The following PATJ variants were observed in gnomAD, a reference collection of about 807,000 sequenced individuals.
PATJ encodes PATJ crumbs cell polarity complex component, also known as inaD-like protein.
Under a neutral mutation model 224.9 loss-of-function variants are expected in PATJ, and 190 were observed. The ratio of observed to expected loss-of-function variants is 0.84; its 90% CI spans 0.75 to 0.95. PATJ has a LOEUF of 0.95. Ranked by LOEUF, PATJ falls within the 40% of genes least tolerant of loss-of-function variation. The pLI is 0.00. For synonymous variants in PATJ, 769 were observed against 820.3 expected, an observed-to-expected ratio of 0.94 and a Z score of 1.07; for missense variants, 2,121 against 2,270.3, an observed-to-expected ratio of 0.93 and a Z score of 1.34.
intron 27 of PATJ, among the ~76,000 whole-genome samples, chr1:61,965,121 C>CAAAAAAAAAAAAAAAAAAAAAAAAAAA (rs34267345): frequency 5.5e-5 from 3 of 54,380 alleles, no homozygotes; most frequent in Non-Finnish European, 6.1e-5. Context: ...GACTCTGTCT[C>CAAAAAAAAAAAAAAAAAAAAAAAAAAA]AAAAAAAAAA....
In PATJ at chr1:61,748,324, C is replaced by T. The variant is rs1008780385; in HGVS notation, c.-36+5769C>T. ...TGCTGGAGTGCAGTGGCTTGATCTC[C>T]GCTCACTCCAACCTCTGCCTCCCAG... On this transcript the variant is annotated intron_variant, in intron 1 of 43. Transcript: ENST00000642238. Among the ~76,000 whole-genome samples, 7 of 136,556 alleles carry T rather than the reference C, an allele frequency of 5.1e-5. No individual in the cohort carries two copies. The Admixed American group carries it at 5.8e-4, about 11-fold the overall frequency. The allele number at this position is 136,556 out of a possible 152,430, so 89.6% of individuals were successfully genotyped here. A position where few individuals can be genotyped will look rare whatever the true frequency, so the allele number is the denominator to read the frequency against.
chr1:62,137,894 A>G (rs2148985771), intron 41 of PATJ, among the ~76,000 whole-genome samples: 1 of 151,794 alleles, frequency 6.6e-6, no homozygotes, highest in Admixed American at 6.6e-5. Flanking sequence ...CTTCAGGTCC[A>G]TAGTCTCCTC....
At chr1:61,790,372 ATTG>A (rs936510414) in intron 8 of PATJ, among the ~76,000 whole-genome samples, 2 of 152,032 alleles carry the variant, frequency 1.3e-5, no homozygotes, top group African/African-American at 2.4e-5. Flanking sequence ...TTAGCTTTCT[ATTG>A]TTGTATAACA....
chr1:61,922,021 A>G (rs954376777), intron 26 of PATJ, among the ~76,000 whole-genome samples: 1 of 152,110 alleles, frequency 6.6e-6, no homozygotes, highest in Admixed American at 6.6e-5. Context: ...GGATAGAATC[A>G]GTAACTGCTA....
At chr1:61,774,119 C>CAA (rs35357345) in intron 6 of PATJ, among the ~76,000 whole-genome samples, 6,924 of 68,242 alleles carry the variant, frequency 0.1, 391 homozygotes, top group Middle Eastern at 0.14. Flanking sequence ...GACTCCATCT[C>CAA]AAAAAAAAAA....
rs891887264 is a variant in PATJ at position 61,900,413 on chromosome 1, A to T, written c.3203+759A>T. Among the ~76,000 whole-genome samples the T allele has an allele frequency of 3.2e-4, 49 of 152,266 alleles. 1 individual carries two copies. The South Asian group carries it at 9.7e-3, about 30-fold the overall frequency. ...TAAATAATGACACGGAGGTAGGAAG[A>T]AAACAAAACCTTCTGGCCTTAGGAG... is the stretch of plus-strand genomic sequence containing the variant. On this transcript the variant is annotated intron_variant, in intron 23 of 43. Coordinates refer to ENST00000642238, the MANE Select transcript of PATJ (RefSeq NM_001350145.3).
intron 6 of PATJ, among the ~76,000 whole-genome samples, chr1:61,772,565 G>A (rs546778415): frequency 9.9e-5 from 15 of 151,896 alleles, no homozygotes; most frequent in African/African-American, 3.1e-4. Context: ...TATTCATTGG[G>A]ACAAAAGAAA....
At position 62,071,764 on chromosome 1, in the gene PATJ, G is replaced by A. The variant is rs191343244; in HGVS notation, c.4126-7686G>A. ...GGCCTCCCAAAGTGCTGGGATTACA[G>A]GCGTGAACCACTGCGCCCGGCCAGG... On this transcript the variant is annotated intron_variant, in intron 31 of 43. Transcript: ENST00000642238. Among the ~76,000 whole-genome samples the A allele has an allele frequency of 8.5e-5, 13 of 152,288 alleles. No individual in the cohort carries two copies. The East Asian group carries it at 2.5e-3, about 29-fold the overall frequency.
At chr1:61,971,293 T>C (rs1682937420) in intron 27 of PATJ, among the ~76,000 whole-genome samples, 1 of 152,196 alleles carries the variant, frequency 6.6e-6, no homozygotes, top group Non-Finnish European at 1.5e-5. Flanking sequence ...ATGAATATAC[T>C]GTTAGCCTCT....
chr1:61,999,394 GC>G (rs1294557618), intron 28 of PATJ, among the ~76,000 whole-genome samples: 3 of 152,070 alleles, frequency 2.0e-5, no homozygotes, highest in Admixed American at 2.0e-4. Flanking sequence ...TATATTTTCT[GC>G]CCCATTAACA....
chr1:61,849,105 AC>A (rs1216860427), intron 17 of PATJ, among the ~76,000 whole-genome samples: 2 of 152,182 alleles, frequency 1.3e-5, no homozygotes, highest in Non-Finnish European at 2.9e-5. Context: ...ACAGCATTGA[AC>A]TTGTTGGTTG....
intron 22 of PATJ, among the ~76,000 whole-genome samples, chr1:61,889,432 C>G (rs1669285759): frequency 6.6e-6 from 1 of 152,138 alleles, no homozygotes; most frequent in African/African-American, 2.4e-5. Context: ...GCACAGTAGT[C>G]CCTTCTTATC....
At chr1:61,807,786 T>G (rs1478131703) in intron 13 of PATJ, among the ~76,000 whole-genome samples, 1 of 152,226 alleles carries the variant, frequency 6.6e-6, no homozygotes, top group Non-Finnish European at 1.5e-5. Context: ...GTTTAACTTA[T>G]CCCTTCCCGC....
At chr1:61,809,272 G>C (rs1320581506) in intron 14 of PATJ, among the ~76,000 whole-genome samples, 1 of 152,134 alleles carries the variant, frequency 6.6e-6, no homozygotes, top group Admixed American at 6.6e-5. Flanking sequence ...TGATAAGAAA[G>C]GAAAGATGTT....
intron 31 of PATJ, among the ~76,000 whole-genome samples, chr1:62,051,469 G>A (rs1653611169): frequency 6.6e-6 from 1 of 152,114 alleles, no homozygotes; most frequent in African/African-American, 2.4e-5. Flanking sequence ...TGGGACTACA[G>A]GCGCACACCA....
At chr1:62,032,914 G>A (rs1363387288) in intron 29 of PATJ, among the ~76,000 whole-genome samples, 1 of 152,148 alleles carries the variant, frequency 6.6e-6, no homozygotes, top group African/African-American at 2.4e-5. Context: ...GAAGGAGAAT[G>A]AATGCATGAG....
chr1:61,812,000 G>A (rs1422993094), intron 14 of PATJ, among the ~76,000 whole-genome samples: 1 of 151,678 alleles, frequency 6.6e-6, no homozygotes, highest in East Asian at 1.9e-4. Context: ...GGCGGAGCTT[G>A]CAGTGAGCCG....
At chr1:61,756,563 C>CTTTTTTTTTTTT (rs370667808) in intron 1 of PATJ, among the ~76,000 whole-genome samples, 6 of 65,622 alleles carry the variant, frequency 9.1e-5, no homozygotes, top group African/African-American at 1.3e-4. Flanking sequence ...AACCAGGACA[C>CTTTTTTTTTTTT]TTTTTTTTTT....
intron 28 of PATJ, among the ~76,000 whole-genome samples, chr1:62,017,400 C>T (rs1423046972): frequency 2.2e-5 from 3 of 134,178 alleles, no homozygotes; most frequent in Non-Finnish European, 4.7e-5. Context: ...GGTGACTAAG[C>T]GAGACTCCGC....
Sources: allele counts gnomAD v4.1 joint callset (sites outside exome capture counted in the v4.1 genomes callset), GRCh38; gene constraint gnomAD v4.1.1; transcripts MANE v1.5; gene names NCBI Gene and HGNC (gene_info 2026-07-23, HGNC 2026-07-21).